CSPG4: variants seen among roughly 807,000 people sequenced by gnomAD.
CSPG4 encodes the protein chondroitin sulfate proteoglycan 4, also known as chondroitin sulfate proteoglycan 4 (melanoma-associated).
A neutral mutation model predicts 139.3 loss-of-function variants in CSPG4; 74 were observed. The observed-to-expected ratio is 0.53, with a 90% CI of 0.44 to 0.64. The LOEUF is 0.64. Among genes scored for constraint, CSPG4 ranks in the 30% least tolerant of loss-of-function variants. The pLI is 0.00. For synonymous variants in CSPG4, 1,234 were observed against 1,394.2 expected (o/e 0.89, Z 2.56); for missense variants, 2,565 against 3,148.3 (o/e 0.81, Z 4.43).
Position 75,687,256 on chromosome 15 carries a change from C to A in CSPG4, c.3789+20G>T. 1 of 1,608,922 alleles carries A rather than the reference C, an allele frequency of 6.2e-7. No homozygotes were observed. The highest frequency in any genetic ancestry group is 1.1e-5 in the South Asian group (1 of 90,838). ...CCTCTACCTGGCCCACACCCCTGCT[C>A]ACCACCTCCAACTCCTCACCTCCAG... On this transcript the variant is annotated intron_variant, in intron 3 of 9. Transcript: ENST00000308508. This position sits in a 1 kb window ranked among gnomAD's most constrained non-coding sequence, Gnocchi z 5.4.
At chr15:75,706,780 G>A (rs1436760355) in intron 1 of CSPG4, among the ~76,000 whole-genome samples, 3 of 152,158 alleles carry the variant, frequency 2.0e-5, no homozygotes, top group African/African-American at 2.4e-5. Context: ...CAGCCAGTCC[G>A]TGGGACACAG....
At chr15:75,695,626 T>C (rs1894216146) in intron 1 of CSPG4, among the ~76,000 whole-genome samples, 1 of 152,184 alleles carries the variant, frequency 6.6e-6, no homozygotes, top group South Asian at 2.1e-4. Context: ...CTGAGGGGCT[T>C]CAGTTGCAAG....
rs538920272 is a variant in CSPG4, at chr15:75,690,362, G to T, written c.703C>A (p.Arg235=). 37 of 1,611,652 alleles carry T rather than the reference G, an allele frequency of 2.3e-5. No individual in the cohort carries two copies. The East Asian group carries it at 7.8e-4, about 34-fold the overall frequency. ...GCCTGGAAGGCCAAGGGTGCCTGCC[G>T]GCTCTGTGTGGTGAGTGTAAACTCT... ...TLEFTLTTQS[R]QAPLAFQAGG... is the part of the protein sequence containing the mutation. Residue 235 remains arginine (R), a synonymous_variant, in exon 3 of 10, where the codon CGG becomes AGG. Transcript: ENST00000308508.
In CSPG4 at chr15:75,690,803, C is replaced by G. The variant is rs1894155837; in HGVS notation, c.262G>C (p.Val88Leu). ...LYSGRLQVRL[V>L]LGQEELRLQT... is the part of the protein sequence containing the mutation. ...AGCCTCAGCTCCTCCTGGCCCAGAA[C>G]AAGTCTGACCTGAAGAGAGATGGGG... The change falls in exon 3 of 10, where the codon GTT becomes CTT. Residue 88 changes from valine (V) to leucine (L), a missense_variant. Physicochemically the swap from Val to Leu is conservative, Grantham distance 32. Transcript: ENST00000308508. 1.2e-6 allele frequency: 2 copies of G among 1,607,488 alleles called. No individual in the cohort carries two copies. Among genetic ancestry groups the G allele is most frequent in the Non-Finnish European group, 8.5e-7 (1 of 1,176,090 alleles).
Position 75,712,702 on chromosome 15 carries a change from C to A in CSPG4, c.54G>T (p.Leu18Phe). ...CAAGTCTGGCCAACATAGTCAGGGT[C>A]AAAGCCAAGGCCAGGCCGGGGGCTG... is the stretch of plus-strand genomic sequence containing the variant. ...PLPAPGLALA[L>F]TLTMLARLAS... Residue 18 changes from leucine (L) to phenylalanine (F), a missense_variant, in exon 1 of 10, where the codon TTG (leucine) becomes TTT (phenylalanine). By Grantham distance (22) the Leu-to-Phe change is conservative. This residue lies in a region of CSPG4 where 47 missense variants were observed against 48.7 expected (regional missense o/e 0.97). Transcript: ENST00000308508. 6.4e-7 allele frequency: 1 copy of A among 1,565,544 alleles called. No individual in the cohort carries two copies. Among genetic ancestry groups the A allele is most frequent in the South Asian group, 1.2e-5 (1 of 85,090 alleles).
intron 1 of CSPG4, among the ~76,000 whole-genome samples, chr15:75,699,783 C>T (rs368068772): frequency 1.3e-5 from 2 of 152,074 alleles, no homozygotes; most frequent in African/African-American, 2.4e-5. Flanking sequence ...AGGCCTCAGG[C>T]GAGGAGGGTG....
intron 1 of CSPG4, among the ~76,000 whole-genome samples, chr15:75,700,688 T>C (rs892608439): frequency 3.9e-5 from 6 of 152,166 alleles, no homozygotes; most frequent in South Asian, 2.1e-4. Context: ...GAGTTCCCCT[T>C]GGCTCTGGCA....
At position 75,677,845 on chromosome 15, in the gene CSPG4, G is replaced by T; in HGVS notation, c.4992C>A (p.Pro1664=). Residue 1664 remains proline, a synonymous_variant, in exon 9 of 10, where the codon CCC becomes CCA. Coordinates refer to ENST00000308508, the MANE Select transcript of CSPG4 (RefSeq NM_001897.5). The part of the protein sequence containing the change: ...GNILYEHEMP[P]EPFWEAHDTL... Reference sequence around the variant, plus strand: ...TATCATGGGCCTCCCAAAAGGGCTCGGGGGGCATCTCATGCTCATACAGAA... The same window carrying T: ...TATCATGGGCCTCCCAAAAGGGCTCTGGGGGCATCTCATGCTCATACAGAA... 1 of 1,612,244 alleles carries T rather than the reference G, an allele frequency of 6.2e-7. No individual in the cohort carries two copies. Among genetic ancestry groups the T allele is most frequent in the South Asian group, 1.1e-5 (1 of 90,928 alleles).
intron 3 of CSPG4, 118 bp from the exon 4 acceptor site, chr15:75,685,819 A>G: frequency 9.1e-7 from 1 of 1,097,484 alleles, no homozygotes; most frequent in Non-Finnish European, 1.3e-6. Flanking sequence ...TCCTCTAGAT[A>G]CCACTGCTCA....
intron 1 of CSPG4, among the ~76,000 whole-genome samples, chr15:75,702,310 T>G (rs895531377): frequency 7.9e-5 from 12 of 152,270 alleles, no homozygotes; most frequent in African/African-American, 2.9e-4. Flanking sequence ...AGGCTGGGCC[T>G]GCTGCTGGGC....
intron 2 of CSPG4, 132 bp downstream of exon 2, chr15:75,692,938 C>T (rs919350689): frequency 1.7e-6 from 1 of 595,626 alleles, no homozygotes; most frequent in African/African-American, 1.9e-5. Flanking sequence ...CTGCCCATCC[C>T]ACAGTGGAGA....
At position 75,687,477 on chromosome 15, in the gene CSPG4, G is replaced by A. The variant is rs552911589; in HGVS notation, c.3588C>T (p.Ala1196=). Reference sequence around the variant, plus strand: ...GGCTGCCATTGTGGCTATAGAGAACGGCCCCATCCAGCAGGTCCTGCTGGG... The same window carrying A: ...GGCTGCCATTGTGGCTATAGAGAACAGCCCCATCCAGCAGGTCCTGCTGGG... The part of the protein sequence containing the change: ...AFSQQDLLDG[A]VLYSHNGSLS... The change falls in exon 3 of 10, where the codon GCC becomes GCT. Residue 1196 remains alanine (A), a synonymous_variant. Coordinates refer to ENST00000308508, the MANE Select transcript of CSPG4 (RefSeq NM_001897.5). This position sits in a 1 kb window ranked among gnomAD's most constrained non-coding sequence, Gnocchi z 5.4. The A allele has an allele frequency of 2.8e-5, 45 of 1,612,408 alleles. No individual in the cohort carries two copies. The highest frequency in any genetic ancestry group is 3.3e-4 in the Middle Eastern group (2 of 6,002).
Position 75,712,692 on chromosome 15 carries a change from TAGTC to T in CSPG4, c.60_63del (p.Thr21CysfsTer25), listed in dbSNP as rs752769389. 6.8e-5 allele frequency: 106 copies of T among 1,565,582 alleles called. 4 individuals are homozygous for T. The highest frequency in any genetic ancestry group is 3.4e-5 in the Non-Finnish European group (39 of 1,155,832). Reference sequence around the variant, plus strand: ...CCCGCGGATGCAAGTCTGGCCAACATAGTCAGGGTCAAAGCCAAGGCCAGGCCGG... The same window carrying T: ...CCCGCGGATGCAAGTCTGGCCAACATAGGGTCAAAGCCAAGGCCAGGCCGG... On this transcript the variant is annotated frameshift_variant, in exon 1 of 10. Coordinates refer to ENST00000308508, the MANE Select transcript of CSPG4 (RefSeq NM_001897.5). LOFTEE classifies it high-confidence loss of function.
intron 8 of CSPG4, 39 bp downstream of exon 8, chr15:75,682,254 G>A: frequency 6.3e-7 from 1 of 1,594,492 alleles, no homozygotes; most frequent in Non-Finnish European, 8.5e-7. Context: ...ACCTGAGGCT[G>A]GGGGCATCTG....
Position 75,688,401 on chromosome 15 carries a change from G to A in CSPG4, c.2664C>T (p.Thr888=). The A allele has an allele frequency of 6.2e-7, 1 of 1,613,364 alleles. No homozygotes were observed. The highest frequency in any genetic ancestry group is 8.5e-7 in the Non-Finnish European group (1 of 1,180,042). The change falls in exon 3 of 10, where the codon ACC becomes ACT. Residue 888 remains threonine (T), a synonymous_variant. Transcript: ENST00000308508. The stretch of plus-strand genomic sequence containing the variant: ...GGTCACCACCAATGTGGATGGGGAA[G>A]GTATAGAGTGGGGAGAAATATGGTG... The part of the protein sequence containing the change: ...TAPPYFSPLY[T]FPIHIGGDPD...
At chr15:75,695,242 A>T (rs1390179573) in intron 1 of CSPG4, among the ~76,000 whole-genome samples, 2 of 152,194 alleles carry the variant, frequency 1.3e-5, no homozygotes, top group Non-Finnish European at 2.9e-5. Flanking sequence ...GTCATGGTCA[A>T]CATCAGGGCT....
rs1033553316 is a variant in CSPG4, at chr15:75,698,188, G to A, written c.89-4955C>T. ...CCGCCCCTCGGGGTTTGGCACCACG[G>A]CGGGAGATCCTGGCTCCAGGTCTGG... is the stretch of plus-strand genomic sequence containing the variant. On this transcript the variant is annotated intron_variant, in intron 1 of 9. Coordinates refer to ENST00000308508, the MANE Select transcript of CSPG4 (RefSeq NM_001897.5). The surrounding 1 kb of genome is among the most constrained non-coding windows in gnomAD (Gnocchi z 4.3). Among the ~76,000 whole-genome samples, 1 of 152,150 alleles carries A rather than the reference G, an allele frequency of 6.6e-6. No homozygotes were observed. Among genetic ancestry groups the A allele is most frequent in the Non-Finnish European group, 1.5e-5 (1 of 68,028 alleles).
chr15:75,703,450 C>T (rs1367346064), intron 1 of CSPG4, among the ~76,000 whole-genome samples: 3 of 151,430 alleles, frequency 2.0e-5, no homozygotes, highest in South Asian at 2.1e-4. Context: ...CGGGTGGAGC[C>T]GGTGAGGAGG....
In CSPG4 at chr15:75,690,649, G is replaced by A. The variant is rs1181091436; in HGVS notation, c.416C>T (p.Pro139Leu). 1 of 1,612,068 alleles carries A rather than the reference G, an allele frequency of 6.2e-7. No homozygotes were observed. Among genetic ancestry groups the A allele is most frequent in the Admixed American group, 1.7e-5 (1 of 60,016 alleles). ...AAAGAGCCCATAGGGGACCTCTAGG[G>A]GGGCTCCTGGGACTGCTGAGGAGGC... ...LNASSAVPGAPLEVPYGLFVG... is the reference protein window; with the variant it reads ...LNASSAVPGALLEVPYGLFVG... Residue 139 changes from proline to leucine, a missense_variant, in exon 3 of 10, where the codon CCC becomes CTC. Coordinates refer to ENST00000308508, the MANE Select transcript of CSPG4 (RefSeq NM_001897.5).
Sources: allele counts gnomAD v4.1 joint callset (sites outside exome capture counted in the v4.1 genomes callset), GRCh38; gene constraint gnomAD v4.1.1; regional missense constraint gnomAD v4.1.1; non-coding constraint Gnocchi (gnomAD v3.1); transcripts MANE v1.5; gene names NCBI Gene and HGNC (gene_info 2026-07-23, HGNC 2026-07-21).